The following SERTAD2 variants were observed in gnomAD, a reference collection of about 807,000 sequenced individuals.
SERTAD2 encodes the protein SERTA domain containing 2.
A neutral mutation model predicts 15.4 loss-of-function variants in SERTAD2; 2 were observed. The ratio of observed to expected loss-of-function variants is 0.13; its 90% CI spans 0.05 to 0.41. SERTAD2 has a LOEUF of 0.41. SERTAD2 is among the 10% of genes least tolerant of loss of function. The pLI is 0.99. For missense variants in SERTAD2, 333 were observed against 409.7 expected, an observed-to-expected ratio of 0.81 and a Z score of 1.62; for synonymous variants, 180 against 178.0, an observed-to-expected ratio of 1.01 and a Z score of -0.09.
chr2:64,644,202 T>C (rs1047495725), intron 1 of SERTAD2, among the ~76,000 whole-genome samples: 1 of 152,182 alleles, frequency 6.6e-6, no homozygotes, highest in Non-Finnish European at 1.5e-5. Context: ...TGGTGTCTTT[T>C]GGTGGTGGTG....
At chr2:64,649,085 C>T (rs904553436) in intron 1 of SERTAD2, among the ~76,000 whole-genome samples, 1 of 152,188 alleles carries the variant, frequency 6.6e-6, no homozygotes, top group Non-Finnish European at 1.5e-5. Context: ...GGGATAACCA[C>T]ACAGGGAAGA....
At position 64,631,906 on chromosome 2, in the gene SERTAD2, T is replaced by C. The variant is rs1237291886; in HGVS notation, c.*4021A>G. 1 of 152,690 alleles carries C rather than the reference T, an allele frequency of 6.5e-6. No individual in the cohort carries two copies. The highest frequency in any genetic ancestry group is 1.5e-5 in the Non-Finnish European group (1 of 68,060). 9.5% of individuals were successfully genotyped at this position (152,690 alleles called of 1,614,324 possible). A position where few individuals can be genotyped will look rare whatever the true frequency, so the allele number is the denominator to read the frequency against. On this transcript the variant is annotated 3_prime_UTR_variant, in exon 2 of 2. Transcript: ENST00000313349. ...TTTCAAAATCTCGGTCATGCGCACATATGGCCTGCATTTCTCTTCCAAAAC... is the reference window on the plus strand; with the variant it reads ...TTTCAAAATCTCGGTCATGCGCACACATGGCCTGCATTTCTCTTCCAAAAC...
chr2:64,637,027 A>G (rs1394994814), intron 1 of SERTAD2, among the ~76,000 whole-genome samples, 152 bp from the exon 2 acceptor site: 2 of 152,172 alleles, frequency 1.3e-5, no homozygotes, highest in East Asian at 3.8e-4. Flanking sequence ...GGGTGGGAGG[A>G]AGGAAGACCT....
At chr2:64,651,419 T>C (rs576044634) in intron 1 of SERTAD2, among the ~76,000 whole-genome samples, 16 of 152,228 alleles carry the variant, frequency 1.1e-4, no homozygotes, top group Non-Finnish European at 1.9e-4. Flanking sequence ...GTAATGTTTT[T>C]TGTGTGTGAT....
rs1255703642 is a variant in SERTAD2, at chr2:64,636,878, G to A, written c.-4-3C>T. 2 of 1,587,418 alleles carry A rather than the reference G, an allele frequency of 1.3e-6. No individual in the cohort carries two copies. The highest frequency in any genetic ancestry group is 2.7e-5 in the African/African-American group (2 of 74,182). On this transcript the variant is annotated splice_region_variant and splice_polypyrimidine_tract_variant and intron_variant, in intron 1 of 1. Transcript: ENST00000313349. Reference sequence around the variant, plus strand: ...TTCCTCCTTTACCCAACATATATCTGCAGAGGGGAGAGAGAGGAAATGGCA... The same window carrying A: ...TTCCTCCTTTACCCAACATATATCTACAGAGGGGAGAGAGAGGAAATGGCA...
At chr2:64,653,111 G>A (rs1222727328) in intron 1 of SERTAD2, among the ~76,000 whole-genome samples, 3 of 152,100 alleles carry the variant, frequency 2.0e-5, no homozygotes, top group East Asian at 1.9e-4. Flanking sequence ...AGGGTGGAGA[G>A]GAAGGTTTTC....
rs1674556915 is a variant in SERTAD2, at chr2:64,632,546, C to T, written c.*3381G>A. 1 of 152,450 alleles carries T rather than the reference C, an allele frequency of 6.6e-6. No individual in the cohort carries two copies. Among genetic ancestry groups the T allele is most frequent in the Non-Finnish European group, 1.5e-5 (1 of 68,012 alleles). The allele number at this position is 152,450 out of a possible 1,614,324, so 9.4% of individuals were successfully genotyped here. A position where few individuals can be genotyped will look rare whatever the true frequency, so the allele number is the denominator to read the frequency against. Reference sequence around the variant, plus strand: ...GAACAAGGGTGCCCATGTGGTTGCTCCTTCTGTCATCCAGAGAAAGTGCTA... The same window carrying T: ...GAACAAGGGTGCCCATGTGGTTGCTTCTTCTGTCATCCAGAGAAAGTGCTA... On this transcript the variant is annotated 3_prime_UTR_variant, in exon 2 of 2. Coordinates refer to ENST00000313349, the MANE Select transcript of SERTAD2 (RefSeq NM_014755.3).
intron 1 of SERTAD2, among the ~76,000 whole-genome samples, chr2:64,647,838 G>C (rs1674937691): frequency 6.6e-6 from 1 of 152,082 alleles, no homozygotes; most frequent in Non-Finnish European, 1.5e-5. Context: ...TAAAACTAAG[G>C]AATAAAAGTA....
intron 1 of SERTAD2, among the ~76,000 whole-genome samples, chr2:64,642,244 C>A (rs1674792614): frequency 6.6e-6 from 1 of 152,196 alleles, no homozygotes; most frequent in Non-Finnish European, 1.5e-5. Context: ...CTCAGGGTCT[C>A]AAACTGATGT....
At chr2:64,651,657 G>C (rs1675011624) in intron 1 of SERTAD2, among the ~76,000 whole-genome samples, 1 of 152,188 alleles carries the variant, frequency 6.6e-6, no homozygotes, top group Non-Finnish European at 1.5e-5. Flanking sequence ...GCTTTAAAGA[G>C]GGACAATTCA....
intron 1 of SERTAD2, chr2:64,644,876 C>T (rs1339089109): frequency 6.6e-6 from 1 of 152,422 alleles, no homozygotes; most frequent in African/African-American, 2.4e-5. Flanking sequence ...AAAAGCAAAC[C>T]TGAGACCCCA....
chr2:64,637,920 C>A (rs1199842558), intron 1 of SERTAD2, among the ~76,000 whole-genome samples: 1 of 152,250 alleles, frequency 6.6e-6, no homozygotes, highest in Non-Finnish European at 1.5e-5. Context: ...TTTCCAAGAT[C>A]ATGTGACATC....
At chr2:64,649,301 C>T (rs184379200) in intron 1 of SERTAD2, among the ~76,000 whole-genome samples, 10 of 152,298 alleles carry the variant, frequency 6.6e-5, no homozygotes, top group Middle Eastern at 3.4e-3. Flanking sequence ...GATAAGCAGC[C>T]GGCCGGAGCA....
intron 1 of SERTAD2, among the ~76,000 whole-genome samples, chr2:64,652,931 C>T (rs1176526056): frequency 1.3e-5 from 2 of 152,182 alleles, no homozygotes; most frequent in Admixed American, 1.3e-4. Flanking sequence ...CTTACTGGTA[C>T]AAAGTCTAGG....
chr2:64,638,605 A>G (rs1433500524), intron 1 of SERTAD2, among the ~76,000 whole-genome samples: 1 of 152,238 alleles, frequency 6.6e-6, no homozygotes, highest in Non-Finnish European at 1.5e-5. Context: ...CGACCTATCA[A>G]CATCAGAATC....
At chr2:64,651,901 A>G (rs1675019381) in intron 1 of SERTAD2, among the ~76,000 whole-genome samples, 1 of 152,104 alleles carries the variant, frequency 6.6e-6, no homozygotes, top group Non-Finnish European at 1.5e-5. Context: ...TTAAGGAAAA[A>G]GGGGGTTGGG....
chr2:64,650,063 G>A (rs903633847), intron 1 of SERTAD2, among the ~76,000 whole-genome samples: 1 of 152,150 alleles, frequency 6.6e-6, no homozygotes, highest in Non-Finnish European at 1.5e-5. Context: ...TCAAATTGTG[G>A]GGTTTACTTC....
chr2:64,643,106 T>C (rs972890246), intron 1 of SERTAD2, among the ~76,000 whole-genome samples: 13 of 152,172 alleles, frequency 8.5e-5, no homozygotes, highest in African/African-American at 2.9e-4. Context: ...CCCCTGGGGC[T>C]TGTGCAGCTC....
chr2:64,650,362 A>G (rs1366623995), intron 1 of SERTAD2, among the ~76,000 whole-genome samples: 2 of 147,368 alleles, frequency 1.4e-5, no homozygotes, highest in African/African-American at 2.6e-5. Context: ...GATCTCCGAG[A>G]AAAAAAAAAC....
Sources: allele counts gnomAD v4.1 joint callset (sites outside exome capture counted in the v4.1 genomes callset), GRCh38; gene constraint gnomAD v4.1.1; transcripts MANE v1.5; gene names NCBI Gene and HGNC (gene_info 2026-07-23, HGNC 2026-07-21).